TSHZ2: variants seen among roughly 807,000 people sequenced by gnomAD.
The protein encoded by TSHZ2 is teashirt zinc finger homeobox 2.
TSHZ2 carries 21 observed loss-of-function variants against 74.4 expected under a neutral mutation model. The ratio of observed to expected loss-of-function variants is 0.28; its 90% CI spans 0.20 to 0.41. The LOEUF (loss-of-function observed/expected upper bound fraction) is 0.41, where lower values mean the gene tolerates loss of function less well. TSHZ2 is among the 10% of genes least tolerant of loss of function. The pLI is 1.00. For missense variants in TSHZ2, 1,244 were observed against 1,293.5 expected, an observed-to-expected ratio of 0.96 and a Z score of 0.59; for synonymous variants, 540 against 515.3, an observed-to-expected ratio of 1.05 and a Z score of -0.65.
chr20:53,320,420 T>G (rs773097387), intron 2 of TSHZ2, among the ~76,000 whole-genome samples: 11 of 152,232 alleles, frequency 7.2e-5, no homozygotes, highest in Non-Finnish European at 1.5e-4. Context: ...CTGCCACTAT[T>G]TGCATCAGTT....
At chr20:53,013,909 G>T (rs1179528027) in intron 1 of TSHZ2, among the ~76,000 whole-genome samples, 2 of 152,148 alleles carry the variant, frequency 1.3e-5, no homozygotes, top group African/African-American at 4.8e-5. Context: ...ATCCACTTGG[G>T]ATAAGGGAAT....
In TSHZ2 at chr20:53,438,442, C is replaced by T. The variant is rs573296526; in HGVS notation, c.*9-48702C>T. On this transcript the variant is annotated intron_variant, in intron 2 of 2. Coordinates refer to ENST00000371497, the MANE Select transcript of TSHZ2 (RefSeq NM_173485.6). ...GTGGCTCAGAAACCTCCAGCAGCCCCAAGTTGAGCCGTCATAATAAGAAAA... is the reference window on the plus strand; with the variant it reads ...GTGGCTCAGAAACCTCCAGCAGCCCTAAGTTGAGCCGTCATAATAAGAAAA... Among the ~76,000 whole-genome samples, 81 of 152,232 alleles carry T rather than the reference C, an allele frequency of 5.3e-4. 1 individual carries two copies. The highest frequency in any genetic ancestry group is 1.8e-3 in the African/African-American group (75 of 41,556).
chr20:53,253,416 G>A (rs912263652), intron 1 of TSHZ2, 83 bp from the exon 2 acceptor site: 23 of 1,505,890 alleles, frequency 1.5e-5, no homozygotes, highest in Non-Finnish European at 2.0e-5. Flanking sequence ...GTTCGGCATG[G>A]GAAGCACTTA....
chr20:53,312,082 G>A (rs1244698320), intron 2 of TSHZ2, among the ~76,000 whole-genome samples: 3 of 151,864 alleles, frequency 2.0e-5, no homozygotes, highest in Non-Finnish European at 4.4e-5. Flanking sequence ...TCCTGGCTCA[G>A]AAAAATAAAA....
intron 1 of TSHZ2, among the ~76,000 whole-genome samples, chr20:53,236,038 A>T (rs1361096633): frequency 6.6e-6 from 1 of 152,242 alleles, no homozygotes; most frequent in Non-Finnish European, 1.5e-5. Flanking sequence ...AAGTTCACCA[A>T]CACAGCTGAA....
intron 1 of TSHZ2, among the ~76,000 whole-genome samples, chr20:53,003,261 T>TGTGC (rs1346014950): frequency 1.1e-4 from 15 of 140,624 alleles, no homozygotes; most frequent in African/African-American, 4.0e-4. Context: ...GGATGGTGTG[T>TGTGC]GTGTGTGTGT....
chr20:53,319,079 T>A (rs1979143940), intron 2 of TSHZ2, among the ~76,000 whole-genome samples: 1 of 152,122 alleles, frequency 6.6e-6, no homozygotes, highest in Admixed American at 6.5e-5. Context: ...TCTCACCAGG[T>A]CCCTCCCATG....
chr20:53,450,889 G>A lies in TSHZ2; in HGVS notation c.*9-36255G>A, dbSNP rs936574935. On this transcript the variant is annotated intron_variant, in intron 2 of 2. Coordinates refer to ENST00000371497, the MANE Select transcript of TSHZ2 (RefSeq NM_173485.6). ...AGAAAAACAAAAGGTGCCAAGTAGT[G>A]GCTTTAAGGATTTATTTAGTTTCCT... Among the ~76,000 whole-genome samples the A allele has an allele frequency of 2.9e-5, 4 of 136,732 alleles. No individual in the cohort carries two copies. The East Asian group carries it at 9.0e-4, about 31-fold the overall frequency. 89.7% of individuals were successfully genotyped at this position (136,732 alleles called of 152,430 possible).
chr20:53,127,105 T>C (rs1193955880), intron 1 of TSHZ2, among the ~76,000 whole-genome samples: 1 of 152,102 alleles, frequency 6.6e-6, no homozygotes, highest in Non-Finnish European at 1.5e-5. Flanking sequence ...AACCAAACTA[T>C]TGGTGGTATA....
At chr20:53,194,179 T>C (rs1156312958) in intron 1 of TSHZ2, among the ~76,000 whole-genome samples, 1 of 152,164 alleles carries the variant, frequency 6.6e-6, no homozygotes, top group Non-Finnish European at 1.5e-5. Context: ...CTCTTCTGTT[T>C]TGTTTTGTTG....
At position 53,227,422 on chromosome 20, in the gene TSHZ2, A is replaced by C. The variant is rs186203639; in HGVS notation, c.41-26077A>C. Among the ~76,000 whole-genome samples the C allele has an allele frequency of 7.0e-4, 107 of 152,056 alleles. 1 individual carries two copies. The highest frequency in any genetic ancestry group is 1.0e-3 in the Non-Finnish European group (68 of 68,000). On this transcript the variant is annotated intron_variant, in intron 1 of 2. Coordinates refer to ENST00000371497, the MANE Select transcript of TSHZ2 (RefSeq NM_173485.6). ...TGCTATATTTTATGTTTCTTTTCAT[A>C]AATGTTAATCTTTATTATTGCCTTA...
intron 2 of TSHZ2, among the ~76,000 whole-genome samples, chr20:53,469,045 T>TTATATACATATATATA (rs1985656128): frequency 2.0e-5 from 1 of 49,112 alleles, no homozygotes; most frequent in Non-Finnish European, 4.2e-5. Flanking sequence ...AATCGATATT[T>TTATATACATATATATA]TATATATATA....
At chr20:53,182,405 T>TTCATTCATTTA (rs1988502966) in intron 1 of TSHZ2, among the ~76,000 whole-genome samples, 1 of 152,220 alleles carries the variant, frequency 6.6e-6, no homozygotes, top group South Asian at 2.1e-4. Context: ...ATGGGCAAAG[T>TTCATTCATTTA]ACTCTGATCC....
intron 2 of TSHZ2, among the ~76,000 whole-genome samples, chr20:53,457,297 G>A (rs1489647493): frequency 7.2e-6 from 1 of 138,664 alleles, no homozygotes; most frequent in Non-Finnish European, 1.5e-5. Context: ...TGGATTCCTA[G>A]GTATTTTATT....
intron 2 of TSHZ2, among the ~76,000 whole-genome samples, chr20:53,471,470 T>G (rs1985796539): frequency 6.6e-6 from 1 of 152,220 alleles, no homozygotes; most frequent in Non-Finnish European, 1.5e-5. Context: ...GCTTATACGC[T>G]GCAATAAGTC....
chr20:53,117,968 A>G (rs1187915991), intron 1 of TSHZ2, among the ~76,000 whole-genome samples: 2 of 152,228 alleles, frequency 1.3e-5, no homozygotes, highest in Non-Finnish European at 2.9e-5. Flanking sequence ...GACTTGTCAC[A>G]GTTGCATTAC....
At chr20:53,311,726 G>A (rs1978797295) in intron 2 of TSHZ2, among the ~76,000 whole-genome samples, 1 of 152,188 alleles carries the variant, frequency 6.6e-6, no homozygotes, top group Admixed American at 6.5e-5. Context: ...CATGAGCACT[G>A]TGCCCATCTT....
At chr20:53,132,313 A>ATTTTT (rs552180228) in intron 1 of TSHZ2, among the ~76,000 whole-genome samples, 1,894 of 139,284 alleles carry the variant, frequency 0.014, 55 homozygotes, top group African/African-American at 0.048. Flanking sequence ...TCTGCCCCTA[A>ATTTTT]TTTTTTTTTT....
At chr20:53,178,630 G>T (rs1600726269) in intron 1 of TSHZ2, 1 of 152,174 alleles carries the variant, frequency 6.6e-6, no homozygotes, top group African/African-American at 2.4e-5. Context: ...GGTGATTTCA[G>T]AGTGAAGGAA....
Sources: allele counts gnomAD v4.1 joint callset (sites outside exome capture counted in the v4.1 genomes callset), GRCh38; gene constraint gnomAD v4.1.1; transcripts MANE v1.5; gene names NCBI Gene and HGNC (gene_info 2026-07-23, HGNC 2026-07-21).